Variants in SHISA9 observed in about 807,000 individuals in gnomAD.
SHISA9 encodes the protein protein shisa-9.
A neutral mutation model predicts 38.0 loss-of-function variants in SHISA9; 13 were observed. The observed-to-expected ratio is 0.34, with a 90% CI of 0.22 to 0.54. SHISA9 has a LOEUF of 0.54. SHISA9 is among the 20% of genes least tolerant of loss of function. SHISA9 has a pLI of 0.91. For missense variants in SHISA9, 538 were observed against 575.8 expected, an observed-to-expected ratio of 0.93 and a Z score of 0.67; for synonymous variants, 275 against 242.0, an observed-to-expected ratio of 1.14 and a Z score of -1.27.
At position 13,083,644 on chromosome 16, in the gene SHISA9, C is replaced by T. The variant is rs142948586; in HGVS notation, c.692-119750C>T. Among the ~76,000 whole-genome samples the T allele has an allele frequency of 6.1e-3, 934 of 152,246 alleles. 10 individuals carry two copies. Among genetic ancestry groups the T allele is most frequent in the African/African-American group, 0.021 (884 of 41,538 alleles). On this transcript the variant is annotated intron_variant, in intron 2 of 4. Transcript: ENST00000558583. The stretch of plus-strand genomic sequence containing the variant: ...GTTCCACTTTGAGGCGAGGGTCTGG[C>T]CTTCCATATTCTCATGTTAGTCATT...
chr16:13,173,741 C>T (rs756457963), intron 2 of SHISA9, among the ~76,000 whole-genome samples: 16 of 151,998 alleles, frequency 1.1e-4, no homozygotes, highest in Non-Finnish European at 1.5e-4. Flanking sequence ...ATTTGGAAAC[C>T]GAGGTCTAAT....
intron 2 of SHISA9, among the ~76,000 whole-genome samples, chr16:13,010,873 ACC>A (rs2072664316): frequency 6.6e-6 from 1 of 152,172 alleles, no homozygotes; most frequent in Admixed American, 6.5e-5. Context: ...AATCGCTTGA[ACC>A]CAGGAAGCAG....
At chr16:13,289,328 C>T in the SHISA9 span, among the ~76,000 whole-genome samples, 2 of 129,078 alleles carry the variant, frequency 1.5e-5, no homozygotes, top group Non-Finnish European at 3.1e-5. Flanking sequence ...AAACTGAGTC[C>T]ATCTGAGTCC....
chr16:13,116,800 A>C (rs774412287), intron 2 of SHISA9, among the ~76,000 whole-genome samples: 5 of 152,170 alleles, frequency 3.3e-5, no homozygotes, highest in Admixed American at 6.5e-5. Context: ...AATAGTGCCT[A>C]ACACAACCTC....
chr16:13,092,278 C>G (rs747811686), intron 2 of SHISA9, among the ~76,000 whole-genome samples: 1 of 152,206 alleles, frequency 6.6e-6, no homozygotes, highest in Non-Finnish European at 1.5e-5. Flanking sequence ...ACATGGGAGT[C>G]GGGGACCCAC....
rs2050304213 is a variant in SHISA9 at position 13,131,263 on chromosome 16, T to A, written c.692-72131T>A. ...ATAAAGAAAATGTAAAAAATATACA[T>A]CATGAAATACTGTGCAGCCATAGAA... On this transcript the variant is annotated intron_variant, in intron 2 of 4. Coordinates refer to ENST00000558583, the MANE Select transcript of SHISA9 (RefSeq NM_001145204.3). Among the ~76,000 whole-genome samples, 5 of 152,130 alleles carry A rather than the reference T, an allele frequency of 3.3e-5. No homozygotes were observed. The South Asian group carries it at 1.0e-3, about 32-fold the overall frequency.
intron 2 of SHISA9, among the ~76,000 whole-genome samples, chr16:12,981,813 G>C (rs1189530078): frequency 6.6e-6 from 1 of 152,134 alleles, no homozygotes; most frequent in African/African-American, 2.4e-5. Flanking sequence ...ATCCTTATAA[G>C]AAGAGGAGAT....
chr16:13,064,784 C>CAAAAAAAAAAAAAA (rs72435637), intron 2 of SHISA9, among the ~76,000 whole-genome samples: 2 of 82,376 alleles, frequency 2.4e-5, no homozygotes, highest in Non-Finnish European at 3.0e-5. Flanking sequence ...AGTTGTAAGG[C>CAAAAAAAAAAAAAA]AAAAAAAAAA....
chr16:13,515,022 A>G, the SHISA9 span, among the ~76,000 whole-genome samples: 1 of 152,184 alleles, frequency 6.6e-6, no homozygotes, highest in Non-Finnish European at 1.5e-5. Flanking sequence ...AACGCAAGCA[A>G]AAAGATTAGT....
chr16:13,339,210 T>G, the SHISA9 span, among the ~76,000 whole-genome samples: 1 of 150,650 alleles, frequency 6.6e-6, no homozygotes, highest in Admixed American at 6.6e-5. Context: ...CTGGTCTGTA[T>G]GGGTGTCACC....
chr16:13,292,155 CTAGGAAAAG>C, the SHISA9 span, among the ~76,000 whole-genome samples: 2 of 151,764 alleles, frequency 1.3e-5, no homozygotes, highest in African/African-American at 4.8e-5. Context: ...TGGTGCTGAA[CTAGGAAAAG>C]CCAAAGATGA....
At chr16:12,999,947 T>C (rs2072503739) in intron 2 of SHISA9, among the ~76,000 whole-genome samples, 1 of 152,224 alleles carries the variant, frequency 6.6e-6, no homozygotes, top group Non-Finnish European at 1.5e-5. Context: ...TTCAGCTATG[T>C]GCATGGGAAA....
At chr16:13,110,071 A>G (rs963301489) in intron 2 of SHISA9, among the ~76,000 whole-genome samples, 6 of 152,164 alleles carry the variant, frequency 3.9e-5, no homozygotes, top group African/African-American at 1.4e-4. Flanking sequence ...TTTTCAAGAA[A>G]GGAATAGCTT....
At chr16:12,915,847 T>A (rs184982544) in intron 1 of SHISA9, among the ~76,000 whole-genome samples, 125 of 152,220 alleles carry the variant, frequency 8.2e-4, no homozygotes, top group African/African-American at 2.8e-3. Flanking sequence ...CCTACAAAAA[T>A]ATATATCTTT....
intron 2 of SHISA9, among the ~76,000 whole-genome samples, chr16:12,993,048 A>C (rs2072408756): frequency 6.6e-6 from 1 of 152,176 alleles, no homozygotes; most frequent in Non-Finnish European, 1.5e-5. Context: ...TCCATCTTGG[A>C]TTTTAAAGAC....
At chr16:13,418,663 G>A in the SHISA9 span, among the ~76,000 whole-genome samples, 1 of 152,210 alleles carries the variant, frequency 6.6e-6, no homozygotes, top group Non-Finnish European at 1.5e-5. Flanking sequence ...AAACTGGGAT[G>A]TTCTGTGGCC....
At chr16:13,092,324 C>T (rs898856548) in intron 2 of SHISA9, among the ~76,000 whole-genome samples, 1 of 152,238 alleles carries the variant, frequency 6.6e-6, no homozygotes, top group Non-Finnish European at 1.5e-5. Context: ...AGAGCTCAAA[C>T]TCCATGCTGG....
intron 2 of SHISA9, among the ~76,000 whole-genome samples, chr16:13,161,218 C>T (rs1337417331): frequency 6.6e-6 from 1 of 152,098 alleles, no homozygotes; most frequent in Non-Finnish European, 1.5e-5. Context: ...ATAGAATTGC[C>T]CAGGATGGTC....
intron 2 of SHISA9, among the ~76,000 whole-genome samples, chr16:13,182,545 T>A (rs181525000): frequency 6.6e-6 from 1 of 152,348 alleles, no homozygotes; most frequent in East Asian, 1.9e-4. Flanking sequence ...TAGTAAATGT[T>A]GGGATTTCAG....
Sources: gnomAD v4.1 joint callset for allele counts (sites outside exome capture counted in the v4.1 genomes callset) on GRCh38, gnomAD v4.1.1 for gene constraint, MANE v1.5 for transcripts, NCBI Gene and HGNC (gene_info 2026-07-23, HGNC 2026-07-21) for gene names.